The following DPP6 variants were observed in gnomAD, a reference collection of about 807,000 sequenced individuals.
DPP6 encodes the protein dipeptidyl peptidase like 6.
Under a neutral mutation model 122.6 loss-of-function variants are expected in DPP6, and 69 were observed. The ratio of observed to expected loss-of-function variants is 0.56; its 90% confidence interval spans 0.46 to 0.69. The LOEUF (loss-of-function observed/expected upper bound fraction) is 0.69. DPP6 is among the 30% of genes least tolerant of loss of function. The pLI is 0.00. For synonymous variants in DPP6, 418 were observed against 433.1 expected (o/e 0.97, Z 0.43); for missense variants, 928 against 1,116.9 (o/e 0.83, Z 2.41).
Position 154,274,371 on chromosome 7 carries a change from C to T in DPP6, c.244-171843C>T, listed in dbSNP as rs540770287. ...CAATTATTACAAATGCAAATACAAC[C>T]CCCAGTTTTCCTGCAATAGAATATG... On this transcript the variant is annotated intron_variant, in intron 1 of 25. Transcript: ENST00000377770. Among the ~76,000 whole-genome samples, 8 of 152,208 alleles carry T rather than the reference C, an allele frequency of 5.3e-5. 1 individual carries two copies. The highest frequency in any genetic ancestry group is 1.9e-4 in the African/African-American group (8 of 41,534).
At chr7:153,862,613 G>A in the DPP6 span, among the ~76,000 whole-genome samples, 1 of 152,100 alleles carries the variant, frequency 6.6e-6, no homozygotes, top group Non-Finnish European at 1.5e-5. Flanking sequence ...CTTTCTCCTA[G>A]TAGGCAGATT....
At chr7:154,351,652 C>T (rs1810867559) in intron 1 of DPP6, among the ~76,000 whole-genome samples, 3 of 152,254 alleles carry the variant, frequency 2.0e-5, no homozygotes, top group Middle Eastern at 6.8e-3. Context: ...TGTCAGTTCT[C>T]AGCTGATCTA....
rs57752926 is a variant in DPP6, at chr7:154,020,111, A to AACACACAC, written c.51+132388_51+132395dup. Among the ~76,000 whole-genome samples the AACACACAC allele has an allele frequency of 9.3e-5, 14 of 150,734 alleles. 1 individual carries two copies. Among genetic ancestry groups the AACACACAC allele is most frequent in the African/African-American group, 3.4e-4 (14 of 41,148 alleles). On this transcript the variant is annotated intron_variant, in intron 1 of 25. Coordinates refer to the DPP6 transcript ENST00000404039. ...CTTTCCAGAATTTCACACACACACAAACACACACACACACACACTCATACA... is the reference window on the plus strand; with the variant it reads ...CTTTCCAGAATTTCACACACACACAAACACACACACACACACACACACACACTCATACA...
At chr7:154,380,515 G>A (rs1054753729) in intron 1 of DPP6, among the ~76,000 whole-genome samples, 3 of 152,216 alleles carry the variant, frequency 2.0e-5, no homozygotes, top group African/African-American at 7.2e-5. Context: ...AGGTAGCATG[G>A]GGCAGGTGGG....
chr7:154,300,657 C>CTCTG (rs533404524), intron 1 of DPP6, among the ~76,000 whole-genome samples: 14 of 151,858 alleles, frequency 9.2e-5, no homozygotes, highest in Non-Finnish European at 1.6e-4. Context: ...GGATTTGGGG[C>CTCTG]TGTGTGTGTG....
chr7:154,814,671 T>G (rs1799301370), intron 16 of DPP6, among the ~76,000 whole-genome samples: 1 of 152,192 alleles, frequency 6.6e-6, no homozygotes, highest in South Asian at 2.1e-4. Context: ...TCTCTCACAG[T>G]TCTGGAGGCC....
rs535653413 is a variant in DPP6 at position 154,495,848 on chromosome 7, C to T, written c.457+20811C>T. Among the ~76,000 whole-genome samples, 4 of 152,156 alleles carry T rather than the reference C, an allele frequency of 2.6e-5. No individual in the cohort carries two copies. In the East Asian group the frequency reaches 7.7e-4, roughly 29 times the overall value. ...CAAACACCAACAGCTGTGTGTGTAC[C>T]CAGATGCAGGAAGGGACACAGAAGG... On this transcript the variant is annotated intron_variant, in intron 3 of 25. Coordinates refer to ENST00000377770, the MANE Select transcript of DPP6 (RefSeq NM_130797.4).
chr7:153,780,679 G>A, the DPP6 span, among the ~76,000 whole-genome samples: 1 of 152,130 alleles, frequency 6.6e-6, no homozygotes, highest in African/African-American at 2.4e-5. Context: ...CTGAGCATAT[G>A]GGGGTTGAAA....
chr7:154,842,406 G>A (rs1036073664), intron 16 of DPP6, among the ~76,000 whole-genome samples: 15 of 151,994 alleles, frequency 9.9e-5, no homozygotes, highest in Non-Finnish European at 2.9e-5. Flanking sequence ...TTACAGTTTT[G>A]TGTCCTTTTT....
chr7:154,632,275 A>G (rs1301004795), intron 5 of DPP6, among the ~76,000 whole-genome samples: 3 of 152,234 alleles, frequency 2.0e-5, no homozygotes, highest in African/African-American at 7.2e-5. Flanking sequence ...GCTTTAGGCT[A>G]AACGTGACTT....
intron 1 of DPP6, among the ~76,000 whole-genome samples, chr7:154,159,578 C>G (rs1796869261): frequency 6.6e-6 from 1 of 152,142 alleles, no homozygotes; most frequent in South Asian, 2.1e-4. Flanking sequence ...CAAAGAATTA[C>G]TCTCTCCTCT....
At chr7:154,222,378 A>C (rs1369612147) in intron 1 of DPP6, among the ~76,000 whole-genome samples, 1 of 152,096 alleles carries the variant, frequency 6.6e-6, no homozygotes, top group Non-Finnish European at 1.5e-5. Flanking sequence ...CTTTGTAGCC[A>C]GGCGCAGTGG....
intron 1 of DPP6, among the ~76,000 whole-genome samples, chr7:154,422,337 C>T (rs1328539417): frequency 1.3e-5 from 2 of 152,176 alleles, no homozygotes; most frequent in South Asian, 2.1e-4. Context: ...ACATACAGCA[C>T]TCTAAAGAAG....
intron 1 of DPP6, among the ~76,000 whole-genome samples, chr7:153,927,673 T>C (rs1164518774): frequency 6.6e-6 from 1 of 152,160 alleles, no homozygotes; most frequent in African/African-American, 2.4e-5. Flanking sequence ...TTAGAAAATA[T>C]GGAGAAGATA....
At chr7:154,323,034 G>A (rs1291185382) in intron 1 of DPP6, among the ~76,000 whole-genome samples, 1 of 151,894 alleles carries the variant, frequency 6.6e-6, no homozygotes, top group Non-Finnish European at 1.5e-5. Context: ...TGGCCTGGTT[G>A]CAGAAGAGAG....
At chr7:153,895,779 C>T (rs1259669136) in intron 1 of DPP6, among the ~76,000 whole-genome samples, 1 of 151,718 alleles carries the variant, frequency 6.6e-6, no homozygotes, top group African/African-American at 2.4e-5. Flanking sequence ...TCATACATCT[C>T]AGATGTAAAA....
intron 1 of DPP6, among the ~76,000 whole-genome samples, chr7:154,374,240 T>C (rs1449732191): frequency 1.3e-5 from 2 of 152,182 alleles, no homozygotes; most frequent in Non-Finnish European, 2.9e-5. Context: ...TTTACGAGAT[T>C]AGGACAGGAA....
chr7:153,971,951 C>G (rs563138357), intron 1 of DPP6, among the ~76,000 whole-genome samples: 3 of 148,148 alleles, frequency 2.0e-5, no homozygotes, highest in Middle Eastern at 3.5e-3. Context: ...AGCTGGGGCC[C>G]TCGTAAGCTC....
intron 1 of DPP6, among the ~76,000 whole-genome samples, chr7:154,155,961 G>C (rs979686651): frequency 5.3e-5 from 8 of 152,182 alleles, no homozygotes; most frequent in Admixed American, 1.3e-4. Flanking sequence ...AGACCTAAGG[G>C]GCCCCAGGCC....
Sources: gnomAD v4.1 joint callset for allele counts (sites outside exome capture counted in the v4.1 genomes callset) on GRCh38, gnomAD v4.1.1 for gene constraint, MANE v1.5 for transcripts, NCBI Gene and HGNC (gene_info 2026-07-23, HGNC 2026-07-21) for gene names.